The following MARCHF1 variants were observed in gnomAD, a reference collection of about 807,000 sequenced individuals.
The protein encoded by MARCHF1 is membrane associated ring-CH-type finger 1, also known as E3 ubiquitin-protein ligase MARCHF1.
MARCHF1 carries 40 observed loss-of-function variants against 54.2 expected under a neutral mutation model. The observed-to-expected ratio is 0.74, with a 90% CI of 0.57 to 0.96. MARCHF1 has a LOEUF of 0.96. Among genes scored for constraint, MARCHF1 ranks in the 40% least tolerant of loss-of-function variants. The pLI is 0.00. For missense variants in MARCHF1, 586 were observed against 656.5 expected, an observed-to-expected ratio of 0.89 and a Z score of 1.17; for synonymous variants, 236 against 236.3, an observed-to-expected ratio of 1.00 and a Z score of 0.01.
chr4:164,289,051 T>C (rs1181281526), intron 1 of MARCHF1, among the ~76,000 whole-genome samples: 2 of 152,046 alleles, frequency 1.3e-5, no homozygotes, highest in African/African-American at 4.8e-5. Flanking sequence ...TTTTCTCTTT[T>C]CCTGGTATTT....
chr4:163,916,993 TCTC>T, intron 3 of MARCHF1, among the ~76,000 whole-genome samples: 1 of 152,230 alleles, frequency 6.6e-6, no homozygotes, highest in East Asian at 1.9e-4. Flanking sequence ...AATCCTCTAT[TCTC>T]CTCCTATTCA....
At chr4:164,079,424 G>T (rs1426779427) in intron 2 of MARCHF1, among the ~76,000 whole-genome samples, 1 of 152,112 alleles carries the variant, frequency 6.6e-6, no homozygotes. Context: ...GCCAAATCGA[G>T]TACTTTTAAA....
At chr4:163,800,380 T>G (rs1239230406) in intron 4 of MARCHF1, among the ~76,000 whole-genome samples, 1 of 151,958 alleles carries the variant, frequency 6.6e-6, no homozygotes, top group Non-Finnish European at 1.5e-5. Flanking sequence ...CTCATTTAAG[T>G]GGCACATGTG....
At chr4:163,945,065 T>C (rs1450892402) in intron 3 of MARCHF1, among the ~76,000 whole-genome samples, 8 of 152,124 alleles carry the variant, frequency 5.3e-5, no homozygotes, top group South Asian at 2.1e-4. Flanking sequence ...ACATGAGCAA[T>C]ACCCACAAGA....
chr4:164,375,158 C>A (rs1731151268), intron 1 of MARCHF1, among the ~76,000 whole-genome samples: 1 of 152,042 alleles, frequency 6.6e-6, no homozygotes, highest in Admixed American at 6.6e-5. Flanking sequence ...AAAGCTGATT[C>A]CAGAATGAAT....
At chr4:163,935,466 C>T (rs1241611522) in intron 3 of MARCHF1, among the ~76,000 whole-genome samples, 1 of 152,156 alleles carries the variant, frequency 6.6e-6, no homozygotes, top group African/African-American at 2.4e-5. Context: ...GCTGCCTCAC[C>T]TTGCTCTTTA....
chr4:163,844,449 TG>T (rs1749429485), intron 4 of MARCHF1, among the ~76,000 whole-genome samples: 1 of 152,188 alleles, frequency 6.6e-6, no homozygotes, highest in African/African-American at 2.4e-5. Flanking sequence ...GAACAATTTT[TG>T]TTTTTGTTGC....
At chr4:163,590,426 A>G (rs1212852910) in intron 7 of MARCHF1, among the ~76,000 whole-genome samples, 1 of 152,008 alleles carries the variant, frequency 6.6e-6, no homozygotes, top group Non-Finnish European at 1.5e-5. Flanking sequence ...TTTCATCCCC[A>G]CAGCAATTTC....
intron 1 of MARCHF1, among the ~76,000 whole-genome samples, chr4:164,377,285 C>T (rs1578913465): frequency 6.6e-6 from 1 of 152,114 alleles, no homozygotes; most frequent in Admixed American, 6.6e-5. Context: ...CAGGTATAAC[C>T]TGAATTAACT....
chr4:163,730,588 T>C lies in MARCHF1; in HGVS notation c.112-29725A>G, dbSNP rs1419759999. Among the ~76,000 whole-genome samples the C allele has an allele frequency of 5.3e-5, 8 of 152,174 alleles. No homozygotes were observed. The South Asian group carries it at 6.2e-4, about 12-fold the overall frequency. On this transcript the variant is annotated intron_variant, in intron 4 of 9. Coordinates refer to ENST00000514618, the MANE Select transcript of MARCHF1 (RefSeq NM_001394959.1). ...TTTTTTATACATATTTTTATTATACTTTAAGTTCTAGGGTACATGTGCACA... is the reference window on the plus strand; with the variant it reads ...TTTTTTATACATATTTTTATTATACCTTAAGTTCTAGGGTACATGTGCACA...
chr4:163,975,051 G>A (rs1355993018), intron 3 of MARCHF1, among the ~76,000 whole-genome samples: 7 of 152,016 alleles, frequency 4.6e-5, no homozygotes, highest in African/African-American at 1.7e-4. Flanking sequence ...TTGAGTCTCA[G>A]TCTTGCCAGC....
chr4:163,567,887 C>T (rs910158245), intron 8 of MARCHF1, among the ~76,000 whole-genome samples: 1 of 152,016 alleles, frequency 6.6e-6, no homozygotes, highest in Admixed American at 6.6e-5. Flanking sequence ...ATTTTAACAA[C>T]CATCTAGAAT....
chr4:163,822,651 A>G (rs1748727656), intron 4 of MARCHF1, among the ~76,000 whole-genome samples: 1 of 151,950 alleles, frequency 6.6e-6, no homozygotes, highest in Admixed American at 6.6e-5. Context: ...AGGGTAATGT[A>G]ATAATTTGAT....
intron 1 of MARCHF1, among the ~76,000 whole-genome samples, chr4:164,182,652 A>G (rs1730863206): frequency 6.6e-6 from 1 of 151,992 alleles, no homozygotes; most frequent in East Asian, 1.9e-4. Context: ...ATACTGTTAC[A>G]CAGATTTTAC....
At chr4:163,986,246 CTTCTTTTTTTTT>C (rs1360186498) in intron 3 of MARCHF1, among the ~76,000 whole-genome samples, 2,027 of 73,708 alleles carry the variant, frequency 0.028, 149 homozygotes, top group African/African-American at 0.054. Flanking sequence ...TAATTAACCT[CTTCTTTTTTTTT>C]TTTTTTTTTT....
At chr4:163,781,375 T>A (rs373361718) in intron 4 of MARCHF1, among the ~76,000 whole-genome samples, 4 of 152,112 alleles carry the variant, frequency 2.6e-5, no homozygotes, top group African/African-American at 4.8e-5. Context: ...AGAAAACTAT[T>A]GACCTAGATT....
chr4:164,233,065 G>A (rs1209221315), intron 1 of MARCHF1, among the ~76,000 whole-genome samples: 2 of 152,126 alleles, frequency 1.3e-5, no homozygotes, highest in Non-Finnish European at 2.9e-5. Context: ...TGCCATACAA[G>A]AGGCTTTTAA....
chr4:163,735,150 T>C (rs181198126), intron 4 of MARCHF1, among the ~76,000 whole-genome samples: 48 of 152,286 alleles, frequency 3.2e-4, no homozygotes, highest in African/African-American at 1.1e-3. Context: ...AGTGTTACCT[T>C]CTCAGAGAAA....
chr4:164,306,433 C>T (rs1014713771), intron 1 of MARCHF1, among the ~76,000 whole-genome samples: 1 of 152,116 alleles, frequency 6.6e-6, no homozygotes, highest in Non-Finnish European at 1.5e-5. Context: ...TTGCTAAACT[C>T]TTCCCTATAT....
Sources: gnomAD v4.1 joint callset for allele counts (sites outside exome capture counted in the v4.1 genomes callset) on GRCh38, gnomAD v4.1.1 for gene constraint, MANE v1.5 for transcripts, NCBI Gene and HGNC (gene_info 2026-07-23, HGNC 2026-07-21) for gene names.